The following LCLAT1 variants were observed in gnomAD, a reference collection of about 807,000 sequenced individuals.
The protein encoded by LCLAT1 is 1-AGP acyltransferase 8.
A neutral mutation model predicts 30.7 loss-of-function variants in LCLAT1; 11 were observed. That is an observed-to-expected ratio of 0.36 (90% CI 0.23 to 0.59). The LOEUF (loss-of-function observed/expected upper bound fraction) is 0.59. LCLAT1 is among the 20% of genes least tolerant of loss of function. The pLI is 0.77. For synonymous variants in LCLAT1, 155 were observed against 151.3 expected, an observed-to-expected ratio of 1.02 and a Z score of -0.18; for missense variants, 402 against 458.6, an observed-to-expected ratio of 0.88 and a Z score of 1.13.
intron 5 of LCLAT1, among the ~76,000 whole-genome samples, chr2:30,632,837 A>G (rs1046455553): frequency 1.1e-4 from 17 of 152,224 alleles, no homozygotes; most frequent in African/African-American, 4.1e-4. Flanking sequence ...GCCTGACTGC[A>G]CCTTTTGTTC....
intron 1 of LCLAT1, among the ~76,000 whole-genome samples, chr2:30,451,247 C>G (rs1227834178): frequency 6.6e-6 from 1 of 152,128 alleles, no homozygotes; most frequent in Non-Finnish European, 1.5e-5. Flanking sequence ...CCAACTGGAT[C>G]TCTTACATAT....
intron 5 of LCLAT1, among the ~76,000 whole-genome samples, chr2:30,584,881 T>C (rs1666358649): frequency 1.4e-5 from 2 of 147,162 alleles, no homozygotes; most frequent in Admixed American, 6.9e-5. Flanking sequence ...ATTTGGGTGA[T>C]CGGAAAAGTT....
At chr2:30,478,967 T>C (rs999672879) in intron 1 of LCLAT1, among the ~76,000 whole-genome samples, 2 of 152,232 alleles carry the variant, frequency 1.3e-5, no homozygotes, top group Non-Finnish European at 2.9e-5. Context: ...AGTATTTTTT[T>C]CCCTTTTTAG....
chr2:30,528,901 G>C (rs932829895), intron 2 of LCLAT1, among the ~76,000 whole-genome samples: 1 of 152,142 alleles, frequency 6.6e-6, no homozygotes, highest in African/African-American at 2.4e-5. Flanking sequence ...CAGAAAAATT[G>C]ATATTCTAGT....
intron 3 of LCLAT1, among the ~76,000 whole-genome samples, chr2:30,545,697 T>A (rs548303174): frequency 6.6e-6 from 1 of 152,296 alleles, no homozygotes; most frequent in Admixed American, 6.5e-5. Context: ...ATATGTAGAT[T>A]TTTACTTTTA....
intron 1 of LCLAT1, among the ~76,000 whole-genome samples, chr2:30,485,126 C>T (rs1340454042): frequency 6.6e-6 from 1 of 152,050 alleles, no homozygotes; most frequent in Non-Finnish European, 1.5e-5. Flanking sequence ...TGCATATTTT[C>T]CATGGAAAGC....
chr2:30,497,921 C>G (rs1684197674), intron 1 of LCLAT1, among the ~76,000 whole-genome samples: 1 of 152,172 alleles, frequency 6.6e-6, no homozygotes, highest in Non-Finnish European at 1.5e-5. Context: ...CTGGAATTTG[C>G]TACACAAATG....
chr2:30,503,542 A>G (rs1032479832), intron 1 of LCLAT1, among the ~76,000 whole-genome samples: 4 of 152,238 alleles, frequency 2.6e-5, no homozygotes, highest in Non-Finnish European at 5.9e-5. Context: ...ATGATTTCAC[A>G]TAATAGAGTT....
intron 3 of LCLAT1, among the ~76,000 whole-genome samples, chr2:30,548,220 G>T (rs745833859): frequency 6.6e-6 from 1 of 152,036 alleles, no homozygotes; most frequent in Non-Finnish European, 1.5e-5. Flanking sequence ...GAAAAGAATC[G>T]AACTCTGTAA....
chr2:30,627,611 C>T (rs1419620931), intron 5 of LCLAT1, among the ~76,000 whole-genome samples: 1 of 152,150 alleles, frequency 6.6e-6, no homozygotes, highest in Non-Finnish European at 1.5e-5. Context: ...GTTTTTATCA[C>T]TGGAGTTGTT....
At chr2:30,590,265 C>T (rs1021521480) in intron 5 of LCLAT1, among the ~76,000 whole-genome samples, 1 of 151,342 alleles carries the variant, frequency 6.6e-6, no homozygotes, top group Non-Finnish European at 1.5e-5. Context: ...ATAATTTTTG[C>T]CAGCTATTTA....
At chr2:30,558,326 G>A (rs1195613982) in intron 3 of LCLAT1, among the ~76,000 whole-genome samples, 5 of 152,058 alleles carry the variant, frequency 3.3e-5, no homozygotes, top group Non-Finnish European at 7.4e-5. Flanking sequence ...TTGGCCAGGC[G>A]TGGTGGCTCA....
intron 3 of LCLAT1, among the ~76,000 whole-genome samples, chr2:30,559,409 T>TA (rs1352350573): frequency 1.3e-5 from 2 of 152,208 alleles, no homozygotes; most frequent in African/African-American, 4.8e-5. Flanking sequence ...ATTCTGTCAT[T>TA]ATTGTATACC....
At chr2:30,616,364 G>C (rs557379105) in intron 5 of LCLAT1, among the ~76,000 whole-genome samples, 6 of 152,130 alleles carry the variant, frequency 3.9e-5, no homozygotes, top group Non-Finnish European at 5.9e-5. Context: ...TATTTGCTCT[G>C]AGTTTTACAG....
At chr2:30,529,375 G>T (rs770110191) in intron 2 of LCLAT1, among the ~76,000 whole-genome samples, 5 of 152,128 alleles carry the variant, frequency 3.3e-5, no homozygotes, top group Non-Finnish European at 7.4e-5. Flanking sequence ...TAACTCTGTG[G>T]GCAAGAATCC....
intron 5 of LCLAT1, among the ~76,000 whole-genome samples, chr2:30,593,786 T>C (rs1334540596): frequency 2.0e-5 from 3 of 151,938 alleles, no homozygotes; most frequent in African/African-American, 7.3e-5. Flanking sequence ...GGCCATAGAT[T>C]AAAGGTTTAA....
intron 2 of LCLAT1, among the ~76,000 whole-genome samples, 162 bp downstream of exon 2, chr2:30,525,917 G>A (rs1191090175): frequency 6.6e-6 from 1 of 152,058 alleles, no homozygotes; most frequent in African/African-American, 2.4e-5. Flanking sequence ...TTATAATACC[G>A]ACTACAACGT....
At chr2:30,460,413 C>T (rs1682055907) in intron 1 of LCLAT1, among the ~76,000 whole-genome samples, 1 of 152,186 alleles carries the variant, frequency 6.6e-6, no homozygotes, top group Non-Finnish European at 1.5e-5. Context: ...CGACACCCTC[C>T]CCCTCAGCCT....
intron 1 of LCLAT1, among the ~76,000 whole-genome samples, chr2:30,450,853 T>C (rs866568909): frequency 2.0e-5 from 3 of 152,168 alleles, no homozygotes; most frequent in African/African-American, 4.8e-5. Flanking sequence ...GATTGATAAA[T>C]TTGTCTTCAG....
Sources: gnomAD v4.1 joint callset for allele counts (sites outside exome capture counted in the v4.1 genomes callset) on GRCh38, gnomAD v4.1.1 for gene constraint, MANE v1.5 for transcripts, NCBI Gene and HGNC (gene_info 2026-07-23, HGNC 2026-07-21) for gene names.